The following AGFG1 variants were observed in gnomAD, a reference collection of about 807,000 sequenced individuals.
The protein encoded by AGFG1 is ArfGAP with FG repeats 1.
Under a neutral mutation model 60.6 loss-of-function variants are expected in AGFG1, and 10 were observed. That is an observed-to-expected ratio of 0.16 (90% confidence interval 0.10 to 0.28). AGFG1 has a LOEUF of 0.28. Among genes scored for constraint, AGFG1 ranks in the 10% least tolerant of loss-of-function variants. The pLI, the probability that AGFG1 is intolerant of heterozygous loss-of-function variation, is 1.00. For missense variants in AGFG1, 537 were observed against 676.5 expected, an observed-to-expected ratio of 0.79 and a Z score of 2.29; for synonymous variants, 247 against 242.9, an observed-to-expected ratio of 1.02 and a Z score of -0.16.
intron 5 of AGFG1, among the ~76,000 whole-genome samples, chr2:227,525,530 G>A (rs1691967832): frequency 6.6e-6 from 1 of 152,144 alleles, no homozygotes. Context: ...TTTCAACAAG[G>A]TCCACAGACT....
Position 227,552,136 on chromosome 2 carries a change from C to T in AGFG1, c.1537+19C>T, listed in dbSNP as rs778684239. ...CCCAATGGTAAGATCTAACATTTGG[C>T]GAGCTGTAAGTTCATTTTATGTATC... On this transcript the variant is annotated intron_variant, in intron 11 of 12. Coordinates refer to ENST00000310078, the MANE Select transcript of AGFG1 (RefSeq NM_004504.5). 1.2e-5 allele frequency: 19 copies of T among 1,613,612 alleles called. No homozygotes were observed. The highest frequency in any genetic ancestry group is 1.6e-4 in the Middle Eastern group (1 of 6,082).
At chr2:227,540,855 CTGT>C (rs1315176966) in intron 10 of AGFG1, among the ~76,000 whole-genome samples, 1 of 152,202 alleles carries the variant, frequency 6.6e-6, no homozygotes, top group African/African-American at 2.4e-5. Flanking sequence ...TCTCCAGCAT[CTGT>C]TGTTTCCTGA....
At chr2:227,512,562 T>A (rs1321262263) in intron 2 of AGFG1, among the ~76,000 whole-genome samples, 1 of 152,238 alleles carries the variant, frequency 6.6e-6, no homozygotes, top group Non-Finnish European at 1.5e-5. Flanking sequence ...GAGTATGGAC[T>A]TTTTCTCCCT....
intron 2 of AGFG1, among the ~76,000 whole-genome samples, chr2:227,493,327 T>G (rs7566800): frequency 0.048 from 7,263 of 152,262 alleles, 270 homozygotes; most frequent in Middle Eastern, 0.12. Flanking sequence ...CATTTTATCT[T>G]CTGCCCCTGT....
chr2:227,552,056 G>T lies in AGFG1; in HGVS notation c.1476G>T (p.Gln492His). The T allele has an allele frequency of 1.2e-6, 2 of 1,614,172 alleles. No homozygotes were observed. The highest frequency in any genetic ancestry group is 1.7e-6 in the Non-Finnish European group (2 of 1,180,038). ...CCAGCTTTAGTGGCAGCTTTCAGCA[G>T]CCTGCCTTTCCAGCCCAAGCAGCTT... ...LPTSFSGSFQ[Q>H]PAFPAQAAFP... is the part of the protein sequence containing the mutation. Residue 492 changes from glutamine to histidine, a missense_variant, in exon 11 of 13, where the codon CAG becomes CAT. By Grantham distance (24) the Gln-to-His change is conservative. This residue lies in a region of AGFG1 where 287 missense variants were observed against 343.6 expected (regional missense o/e 0.84). Transcript: ENST00000310078.
intron 1 of AGFG1, among the ~76,000 whole-genome samples, chr2:227,476,341 C>T (rs1690279748): frequency 6.6e-6 from 1 of 152,088 alleles, no homozygotes; most frequent in Admixed American, 6.5e-5. Flanking sequence ...TGTTAAATAA[C>T]TTCTAGTTGA....
chr2:227,515,785 T>C (rs1691632773), intron 2 of AGFG1, among the ~76,000 whole-genome samples: 1 of 152,168 alleles, frequency 6.6e-6, no homozygotes. Flanking sequence ...TTTCAGTTGA[T>C]GGTGTTTATT....
chr2:227,511,833 G>A (rs927213046), intron 2 of AGFG1, among the ~76,000 whole-genome samples: 4 of 152,152 alleles, frequency 2.6e-5, no homozygotes, highest in African/African-American at 9.7e-5. Context: ...TGAAAATAAT[G>A]TGAGAGTGCG....
At chr2:227,547,174 G>A (rs1157830265) in intron 10 of AGFG1, among the ~76,000 whole-genome samples, 1 of 152,058 alleles carries the variant, frequency 6.6e-6, no homozygotes, top group African/African-American at 2.4e-5. Context: ...TAAATACTTA[G>A]TAGGCTCACT....
chr2:227,482,568 A>G (rs1193143813), intron 1 of AGFG1, among the ~76,000 whole-genome samples: 1 of 152,226 alleles, frequency 6.6e-6, no homozygotes, highest in Non-Finnish European at 1.5e-5. Flanking sequence ...CAACTTTATT[A>G]CTTTCTGCCA....
intron 2 of AGFG1, among the ~76,000 whole-genome samples, chr2:227,504,228 T>G (rs1343929737): frequency 6.7e-6 from 1 of 150,362 alleles, no homozygotes; most frequent in Non-Finnish European, 1.5e-5. Context: ...TCAACTTCCG[T>G]CACTCCCGGG....
chr2:227,517,303 G>T (rs942648368), intron 2 of AGFG1, among the ~76,000 whole-genome samples: 1 of 152,184 alleles, frequency 6.6e-6, no homozygotes, highest in Non-Finnish European at 1.5e-5. Flanking sequence ...GTCTCACTCT[G>T]TCATCAGGCT....
At chr2:227,509,083 G>A (rs755116170) in intron 2 of AGFG1, among the ~76,000 whole-genome samples, 2 of 152,150 alleles carry the variant, frequency 1.3e-5, no homozygotes, top group Non-Finnish European at 2.9e-5. Flanking sequence ...CCTGCAAAAT[G>A]TTTATTAATC....
At chr2:227,550,956 AC>A (rs771314659) in intron 10 of AGFG1, among the ~76,000 whole-genome samples, 19 of 152,158 alleles carry the variant, frequency 1.2e-4, no homozygotes, top group Non-Finnish European at 2.1e-4. Flanking sequence ...TTTTACTGAG[AC>A]CCTTCCTAAA....
rs1229454857 is a variant in AGFG1 at position 227,508,015 on chromosome 2, T to A, written c.262-11933T>A. Among the ~76,000 whole-genome samples the A allele has an allele frequency of 4.0e-5, 6 of 151,500 alleles. No individual in the cohort carries two copies. In the South Asian group the frequency reaches 8.3e-4, roughly 21 times the overall value. On this transcript the variant is annotated intron_variant, in intron 2 of 12. Transcript: ENST00000310078. The stretch of plus-strand genomic sequence containing the variant: ...GCCTGAATGTTCCTTTTTTTTTTTT[T>A]AATTAACCTGTGAGCCACCCGTGTA...
Position 227,557,502 on chromosome 2 carries a change from C to G in AGFG1, c.*3007C>G, listed in dbSNP as rs571761407. The G allele has an allele frequency of 6.6e-6, 1 of 152,204 alleles. No individual in the cohort carries two copies. The highest frequency in any genetic ancestry group is 1.9e-4 in the East Asian group (1 of 5,188). 9.4% of individuals were successfully genotyped at this position (152,204 alleles called of 1,614,324 possible). A position where few individuals can be genotyped will look rare whatever the true frequency, so the allele number is the denominator to read the frequency against. On this transcript the variant is annotated 3_prime_UTR_variant, in exon 13 of 13. Coordinates refer to ENST00000310078, the MANE Select transcript of AGFG1 (RefSeq NM_004504.5). ...TCTCTGGAGCATTTTAGTTTCAGAA[C>G]CTTAACACTCCCCAACAGCTTTGTT...
Position 227,472,358 on chromosome 2 carries a change from G to T in AGFG1, c.-64G>T. ...CGGCCAGGGCGGCCCGTGGGACCGC[G>T]GGCCCCCGGCGCAGCGCTGCCCGGC... On this transcript the variant is annotated 5_prime_UTR_variant, in exon 1 of 13. Coordinates refer to ENST00000310078, the MANE Select transcript of AGFG1 (RefSeq NM_004504.5). 1 of 1,022,700 alleles carries T rather than the reference G, an allele frequency of 9.8e-7. No homozygotes were observed. The highest frequency in any genetic ancestry group is 4.4e-5 in the South Asian group (1 of 22,726). The allele number at this position is 1,022,700 out of a possible 1,614,324, so 63.4% of individuals were successfully genotyped here. A position where few individuals can be genotyped will look rare whatever the true frequency, so the allele number is the denominator to read the frequency against.
At position 227,524,868 on chromosome 2, in the gene AGFG1, C is replaced by T. The variant is rs1442316103; in HGVS notation, c.647C>T (p.Thr216Ile). 6.2e-7 allele frequency: 1 copy of T among 1,614,140 alleles called. No individual in the cohort carries two copies. Among genetic ancestry groups the T allele is most frequent in the Admixed American group, 1.7e-5 (1 of 60,026 alleles). Residue 216 changes from threonine (T) to isoleucine (I), a missense_variant, in exon 5 of 13, where the codon ACA becomes ATA. Transcript: ENST00000310078. The part of the protein sequence containing the change: ...DIFAAPAPQS[T>I]ATANFANFAH... Reference sequence around the variant, plus strand: ...TTTGCTGCTCCAGCTCCTCAGTCAACAGCTACAGCCAATTTTGCTAACTTT... The same window carrying T: ...TTTGCTGCTCCAGCTCCTCAGTCAATAGCTACAGCCAATTTTGCTAACTTT...
Position 227,550,887 on chromosome 2 carries a change from G to T in AGFG1, c.1379-1072G>T, listed in dbSNP as rs551072885. Among the ~76,000 whole-genome samples the T allele has an allele frequency of 2.6e-4, 39 of 152,252 alleles. 1 individual carries two copies. In the South Asian group the frequency reaches 8.1e-3, roughly 32 times the overall value. ...TGGTATTTTGATTGCATCATGCTAA[G>T]AATATTTCATTATGTAATTACTAAT... is the stretch of plus-strand genomic sequence containing the variant. On this transcript the variant is annotated intron_variant, in intron 10 of 12. Coordinates refer to ENST00000310078, the MANE Select transcript of AGFG1 (RefSeq NM_004504.5).
Sources: allele counts gnomAD v4.1 joint callset (sites outside exome capture counted in the v4.1 genomes callset), GRCh38; gene constraint gnomAD v4.1.1; regional missense constraint gnomAD v4.1.1; transcripts MANE v1.5; gene names NCBI Gene and HGNC (gene_info 2026-07-23, HGNC 2026-07-21).